Variants in BTBD3 observed in about 807,000 individuals in gnomAD.
BTBD3 encodes BTB domain containing 3, also known as BTB/POZ domain-containing protein 3.
BTBD3 carries 14 observed loss-of-function variants against 41.6 expected under a neutral mutation model. The observed-to-expected ratio is 0.34, with a 90% CI of 0.22 to 0.53. BTBD3 has a LOEUF of 0.53. Ranked by LOEUF, BTBD3 falls within the 20% of genes least tolerant of loss-of-function variation. The pLI is 0.95. For missense variants in BTBD3, 426 were observed against 654.7 expected (o/e 0.65, Z 3.81); for synonymous variants, 249 against 233.7 (o/e 1.07, Z -0.60).
intron 3 of BTBD3, 82 bp from the exon 4 acceptor site, chr20:11,922,552 A>C (rs2056979702): frequency 7.8e-7 from 1 of 1,288,186 alleles, no homozygotes; most frequent in Admixed American, 2.1e-5. Context: ...TCTCAGAACA[A>C]ACTTGAAAGT....
At chr20:11,898,529 G>C (rs1568607875) in intron 1 of BTBD3, among the ~76,000 whole-genome samples, 1 of 152,170 alleles carries the variant, frequency 6.6e-6, no homozygotes, top group Admixed American at 6.5e-5. Flanking sequence ...TCTATTTTGT[G>C]AATTGCCTCT....
chr20:11,912,379 T>C (rs2122256502), intron 1 of BTBD3, among the ~76,000 whole-genome samples: 1 of 152,288 alleles, frequency 6.6e-6, no homozygotes, highest in South Asian at 2.1e-4. Flanking sequence ...AAGTGCAGGT[T>C]TGGAAATAAC....
intron 1 of BTBD3, among the ~76,000 whole-genome samples, chr20:11,906,689 T>TG (rs1362979273): frequency 2.6e-5 from 4 of 152,246 alleles, no homozygotes; most frequent in African/African-American, 7.2e-5. Flanking sequence ...GACTCATGCA[T>TG]GTAAGCAGTA....
At chr20:11,910,719 C>G (rs2122245047) in intron 1 of BTBD3, among the ~76,000 whole-genome samples, 1 of 152,152 alleles carries the variant, frequency 6.6e-6, no homozygotes, top group Middle Eastern at 3.4e-3. Context: ...AAATATTACC[C>G]AGAGAGTTAC....
intron 1 of BTBD3, among the ~76,000 whole-genome samples, chr20:11,892,183 T>C (rs2056759051): frequency 6.6e-6 from 1 of 152,216 alleles, no homozygotes; most frequent in South Asian, 2.1e-4. Context: ...GTTCAAACTT[T>C]GTGAACTATA....
At chr20:11,906,451 A>G (rs1015015246) in intron 1 of BTBD3, among the ~76,000 whole-genome samples, 4 of 151,250 alleles carry the variant, frequency 2.6e-5, no homozygotes, top group African/African-American at 9.7e-5. Flanking sequence ...TGTAGTAGAG[A>G]TGGGGTTTCA....
At chr20:11,915,614 C>G (rs2056913103), upstream of BTBD3, among the ~76,000 whole-genome samples, 1 of 152,050 alleles carries the variant, frequency 6.6e-6, no homozygotes, top group Non-Finnish European at 1.5e-5. Context: ...TTTTCAGTAG[C>G]AAGAACCTGC....
In BTBD3 at chr20:11,923,264, C is replaced by T. The variant is rs772251588; in HGVS notation, c.1167C>T (p.Arg389=). Residue 389 remains arginine (R), a synonymous_variant, in exon 4 of 4, where the codon CGC becomes CGT. Coordinates refer to ENST00000378226, the MANE Select transcript of BTBD3 (RefSeq NM_014962.4). The surrounding 1 kb of genome is among the most constrained non-coding windows in gnomAD (Gnocchi z 5.3). ...QSCAYRSNQW[R]YRGRCDSIQF... ...GTGCCTATCGAAGCAACCAATGGCG[C>T]TATCGTGGTCGCTGTGACAGCATCC... The T allele has an allele frequency of 2.7e-5, 43 of 1,614,118 alleles. No individual in the cohort carries two copies. Among genetic ancestry groups the T allele is most frequent in the Non-Finnish European group, 3.3e-5 (39 of 1,180,052 alleles).
rs566326839 is a variant in BTBD3, at chr20:11,903,676, G to A, written c.-126+12722G>A. ...AGGCTGTATGCAGTGGCATGATCTC[G>A]GCTCACTGCAACCTCCACCTCCCTG... On this transcript the variant is annotated intron_variant, in intron 1 of 4. Transcript: ENST00000254977. 9.2e-5 allele frequency among the ~76,000 whole-genome samples: 14 copies of A among 151,806 alleles called. No individual in the cohort carries two copies. The South Asian group carries it at 1.3e-3, about 14-fold the overall frequency.
At chr20:11,896,805 A>G (rs1419245679) in intron 1 of BTBD3, among the ~76,000 whole-genome samples, 2 of 152,188 alleles carry the variant, frequency 1.3e-5, no homozygotes, top group South Asian at 2.1e-4. Context: ...TTCCTTATGG[A>G]TGGTTCTTCA....
At position 11,918,517 on chromosome 20, in the gene BTBD3, A is replaced by G. The variant is rs1165482699; in HGVS notation, c.242A>G (p.Gln81Arg). Residue 81 changes from glutamine to arginine, a missense_variant, in exon 1 of 4, where the codon CAG becomes CGG. Coordinates refer to ENST00000378226, the MANE Select transcript of BTBD3 (RefSeq NM_014962.4). ...GCCAACTCCAGCAGCACCAGCGTCCAGCAGTACCACCAGCAGAATCTCAGT... is the reference window on the plus strand; with the variant it reads ...GCCAACTCCAGCAGCACCAGCGTCCGGCAGTACCACCAGCAGAATCTCAGT... ...KPANSSSTSV[Q>R]QYHQQNLSNN... 1 of 1,614,220 alleles carries G rather than the reference A, an allele frequency of 6.2e-7. No homozygotes were observed. The highest frequency in any genetic ancestry group is 2.2e-5 in the East Asian group (1 of 44,886).
chr20:11,926,222 T>G lies in BTBD3; in HGVS notation c.*2556T>G, dbSNP rs2057018272. The G allele has an allele frequency of 1.3e-5, 2 of 152,674 alleles. No individual in the cohort carries two copies. The highest frequency in any genetic ancestry group is 2.9e-5 in the Non-Finnish European group (2 of 68,052). 9.5% of individuals were successfully genotyped at this position (152,674 alleles called of 1,614,324 possible). A position where few individuals can be genotyped will look rare whatever the true frequency, so the allele number is the denominator to read the frequency against. On this transcript the variant is annotated 3_prime_UTR_variant, in exon 4 of 4. Coordinates refer to ENST00000378226, the MANE Select transcript of BTBD3 (RefSeq NM_014962.4). ...GATGCTTTTCCCCAACGTATCTGGC[T>G]GGCAGTCTTTGTCGTTGTTCATTCT...
Position 11,902,670 on chromosome 20 carries a change from T to C in BTBD3, c.-126+11716T>C, listed in dbSNP as rs143659983. ...GGAATAACAGGAGATGGCTATGAAA[T>C]TATTACAGTAGAATAGTATGTACTA... On this transcript the variant is annotated intron_variant, in intron 1 of 4. Transcript: ENST00000254977. Among the ~76,000 whole-genome samples, 42 of 152,342 alleles carry C rather than the reference T, an allele frequency of 2.8e-4. No homozygotes were observed. The East Asian group carries it at 7.3e-3, about 27-fold the overall frequency.
At chr20:11,912,629 C>G (rs555702256) in intron 1 of BTBD3, among the ~76,000 whole-genome samples, 30 of 152,338 alleles carry the variant, frequency 2.0e-4, no homozygotes, top group African/African-American at 7.0e-4. Flanking sequence ...ATGATTGCAT[C>G]ACAAACGTTT....
intron 1 of BTBD3, among the ~76,000 whole-genome samples, chr20:11,903,867 C>G (rs1347173821): frequency 6.6e-6 from 1 of 152,178 alleles, no homozygotes; most frequent in African/African-American, 2.4e-5. Context: ...CTTGGCCTCC[C>G]AAAATGCTGG....
intron 1 of BTBD3, 118 bp downstream of exon 1, chr20:11,918,719 T>C: frequency 8.7e-7 from 1 of 1,149,526 alleles, no homozygotes; most frequent in Non-Finnish European, 1.2e-6. Context: ...AGAAGCTTTT[T>C]ATTGGTAATG....
Position 11,907,021 on chromosome 20 carries a change from C to T in BTBD3, c.-125-11313C>T, listed in dbSNP as rs2056859081. On this transcript the variant is annotated intron_variant, in intron 1 of 4. Coordinates refer to the BTBD3 transcript ENST00000254977. ...TATCATCCTTTCCAGTTCATTAAATCATTAAAATTCTTTACTAGCACTATA... is the reference window on the plus strand; with the variant it reads ...TATCATCCTTTCCAGTTCATTAAATTATTAAAATTCTTTACTAGCACTATA... 2.0e-5 allele frequency among the ~76,000 whole-genome samples: 3 copies of T among 152,094 alleles called. No homozygotes were observed. In the South Asian group the frequency reaches 6.2e-4, roughly 32 times the overall value.
chr20:11,891,990 A>G (rs1013716148), intron 1 of BTBD3, among the ~76,000 whole-genome samples: 11 of 152,190 alleles, frequency 7.2e-5, no homozygotes, highest in Non-Finnish European at 1.2e-4. Context: ...AAAGATCCCC[A>G]GGTGATCGCG....
Position 11,918,170 on chromosome 20 carries a change from T to C in BTBD3, c.-106T>C, listed in dbSNP as rs1229593733. 6.7e-6 allele frequency: 10 copies of C among 1,484,418 alleles called. No individual in the cohort carries two copies. Among genetic ancestry groups the C allele is most frequent in the South Asian group, 1.5e-5 (1 of 68,350 alleles). 92.0% of individuals were successfully genotyped at this position (1,484,418 alleles called of 1,614,324 possible). A position where few individuals can be genotyped will look rare whatever the true frequency, so the allele number is the denominator to read the frequency against. Reference sequence around the variant, plus strand: ...CCTGGCTGAGAAAAGCAGCAAAATATCAGCTTTGTTGGTTTCAGTTAACCT... The same window carrying C: ...CCTGGCTGAGAAAAGCAGCAAAATACCAGCTTTGTTGGTTTCAGTTAACCT... On this transcript the variant is annotated 5_prime_UTR_variant, in exon 1 of 4. Coordinates refer to ENST00000378226, the MANE Select transcript of BTBD3 (RefSeq NM_014962.4).
Sources: gnomAD v4.1 joint callset for allele counts (sites outside exome capture counted in the v4.1 genomes callset) on GRCh38, gnomAD v4.1.1 for gene constraint, Gnocchi (gnomAD v3.1) non-coding constraint, MANE v1.5 for transcripts, NCBI Gene and HGNC (gene_info 2026-07-23, HGNC 2026-07-21) for gene names.